The following LHFPL3 variants were observed in gnomAD, a reference collection of about 807,000 sequenced individuals.
The protein encoded by LHFPL3 is LHFPL tetraspan subfamily member 3.
A neutral mutation model predicts 19.3 loss-of-function variants in LHFPL3; 5 were observed. The observed-to-expected ratio is 0.26, with a 90% CI of 0.14 to 0.54. The LOEUF (loss-of-function observed/expected upper bound fraction) is 0.54, where lower values mean the gene tolerates loss of function less well. Among genes scored for constraint, LHFPL3 ranks in the 20% least tolerant of loss-of-function variants. The probability of loss-of-function intolerance (pLI) is 0.94; values close to 1 mark genes in which losing one functional copy is unlikely to be tolerated. For missense variants in LHFPL3, 249 were observed against 307.4 expected, an observed-to-expected ratio of 0.81 and a Z score of 1.42; for synonymous variants, 133 against 126.2, an observed-to-expected ratio of 1.05 and a Z score of -0.36.
At chr7:104,529,085 G>T (rs1212206850) in intron 1 of LHFPL3, among the ~76,000 whole-genome samples, 1 of 152,150 alleles carries the variant, frequency 6.6e-6, no homozygotes, top group Non-Finnish European at 1.5e-5. Flanking sequence ...AGTGGGAGAA[G>T]AGCAGGTGCT....
chr7:104,732,343 C>G lies in LHFPL3; in HGVS notation c.446-4332C>G, dbSNP rs551263336. Among the ~76,000 whole-genome samples the G allele has an allele frequency of 5.9e-5, 9 of 152,274 alleles. No individual in the cohort carries two copies. The South Asian group carries it at 1.7e-3, about 28-fold the overall frequency. ...CCTCTGGTAGAATTCGGCTGTGAATCCATCTGATCCTGGACTTTTTTTGGT... is the reference window on the plus strand; with the variant it reads ...CCTCTGGTAGAATTCGGCTGTGAATGCATCTGATCCTGGACTTTTTTTGGT... On this transcript the variant is annotated intron_variant, in intron 1 of 2. Coordinates refer to ENST00000424859, the MANE Select transcript of LHFPL3 (RefSeq NM_199000.3).
chr7:104,509,898 GATATA>G (rs1243629139), intron 1 of LHFPL3, among the ~76,000 whole-genome samples: 2 of 151,974 alleles, frequency 1.3e-5, no homozygotes, highest in African/African-American at 4.8e-5. Flanking sequence ...AAGTTCACAA[GATATA>G]ATATAAACAT....
At chr7:104,511,154 GACAAAAGACATTTC>G (rs1793806506) in intron 1 of LHFPL3, among the ~76,000 whole-genome samples, 1 of 152,012 alleles carries the variant, frequency 6.6e-6, no homozygotes, top group Non-Finnish European at 1.5e-5. Context: ...TTAGAAAATG[GACAAAAGACATTTC>G]ACTGAGGAAG....
intron 1 of LHFPL3, among the ~76,000 whole-genome samples, chr7:104,330,292 A>G (rs1313736335): frequency 1.3e-5 from 2 of 152,154 alleles, no homozygotes; most frequent in Non-Finnish European, 2.9e-5. Context: ...TTTTGATTTT[A>G]TGGATGGTCT....
At chr7:104,392,730 T>C (rs1791102643) in intron 1 of LHFPL3, among the ~76,000 whole-genome samples, 1 of 152,274 alleles carries the variant, frequency 6.6e-6, no homozygotes, top group Admixed American at 6.5e-5. Context: ...TCCCTTTTTT[T>C]CTATTGATTG....
chr7:104,707,565 C>A (rs1156967194), intron 1 of LHFPL3, among the ~76,000 whole-genome samples: 1 of 152,194 alleles, frequency 6.6e-6, no homozygotes, highest in East Asian at 1.9e-4. Context: ...GAGAGAGGCT[C>A]TGCTGGGACC....
At chr7:104,377,176 C>T (rs1460909232) in intron 1 of LHFPL3, among the ~76,000 whole-genome samples, 1 of 152,192 alleles carries the variant, frequency 6.6e-6, no homozygotes, top group Non-Finnish European at 1.5e-5. Context: ...TGCCTTGTTT[C>T]ATCACAGGAT....
intron 1 of LHFPL3, among the ~76,000 whole-genome samples, chr7:104,694,854 T>C (rs1028786803): frequency 1.7e-4 from 26 of 152,232 alleles, no homozygotes; most frequent in Admixed American, 2.6e-4. Context: ...TTGCTGGGGA[T>C]TTTATAGAAT....
intron 2 of LHFPL3, among the ~76,000 whole-genome samples, chr7:104,835,204 G>A (rs1791067497): frequency 6.6e-6 from 1 of 151,886 alleles, no homozygotes; most frequent in Admixed American, 6.6e-5. Flanking sequence ...CTACCTGATT[G>A]GTTTGCTGAG....
At chr7:104,836,609 G>A (rs959850228) in intron 2 of LHFPL3, among the ~76,000 whole-genome samples, 2 of 152,156 alleles carry the variant, frequency 1.3e-5, no homozygotes, top group Non-Finnish European at 2.9e-5. Flanking sequence ...GAGAATTGAA[G>A]TCCAGGAAAG....
intron 2 of LHFPL3, among the ~76,000 whole-genome samples, chr7:104,749,783 T>C (rs1459062058): frequency 2.6e-5 from 4 of 152,242 alleles, no homozygotes. Context: ...CAGTTTTTGT[T>C]TTGGTAGTGG....
intron 1 of LHFPL3, among the ~76,000 whole-genome samples, chr7:104,376,335 A>G (rs1018181668): frequency 6.6e-6 from 1 of 152,234 alleles, no homozygotes; most frequent in Admixed American, 6.5e-5. Flanking sequence ...TACAAGTAAA[A>G]AAGTATTTTC....
chr7:104,510,106 A>ATTC (rs78629895), intron 1 of LHFPL3, among the ~76,000 whole-genome samples: 21,031 of 152,008 alleles, frequency 0.14, 1,555 homozygotes, highest in East Asian at 0.21. Context: ...ACATGAAGAG[A>ATTC]CATACCATCT....
At chr7:104,788,147 G>A (rs1433158523) in intron 2 of LHFPL3, among the ~76,000 whole-genome samples, 1 of 152,170 alleles carries the variant, frequency 6.6e-6, no homozygotes, top group Non-Finnish European at 1.5e-5. Context: ...ATTTCTTTAT[G>A]AGGAGTACTC....
chr7:104,772,181 T>C (rs1358586393), intron 2 of LHFPL3, among the ~76,000 whole-genome samples: 1 of 152,156 alleles, frequency 6.6e-6, no homozygotes, highest in Non-Finnish European at 1.5e-5. Flanking sequence ...TATTAATAAC[T>C]GCTTATATTC....
chr7:104,360,195 CTGGGCAA>C (rs1790363311), intron 1 of LHFPL3, among the ~76,000 whole-genome samples: 1 of 152,176 alleles, frequency 6.6e-6, no homozygotes. Flanking sequence ...GTAGGAAGAT[CTGGGCAA>C]TGGCAAGTAA....
chr7:104,503,641 C>G (rs1793642863), intron 1 of LHFPL3, among the ~76,000 whole-genome samples: 1 of 152,126 alleles, frequency 6.6e-6, no homozygotes, highest in Admixed American at 6.6e-5. Flanking sequence ...ATGATCTTGG[C>G]TCACTGCAGC....
At chr7:104,480,440 A>G (rs1793111322) in intron 1 of LHFPL3, among the ~76,000 whole-genome samples, 1 of 152,182 alleles carries the variant, frequency 6.6e-6, no homozygotes, top group South Asian at 2.1e-4. Context: ...GATGAAAATC[A>G]TAGAGAAAAT....
At chr7:104,361,542 G>GC (rs1790391403) in intron 1 of LHFPL3, among the ~76,000 whole-genome samples, 1 of 152,150 alleles carries the variant, frequency 6.6e-6, no homozygotes, top group South Asian at 2.1e-4. Context: ...GCAGCCTTTG[G>GC]CCCCGCACTA....
Sources: allele counts gnomAD v4.1 joint callset (sites outside exome capture counted in the v4.1 genomes callset), GRCh38; gene constraint gnomAD v4.1.1; transcripts MANE v1.5; gene names NCBI Gene and HGNC (gene_info 2026-07-23, HGNC 2026-07-21).